The following ARHGAP5 variants were observed in gnomAD, a reference collection of about 807,000 sequenced individuals.
ARHGAP5 encodes Rho GTPase activating protein 5, also known as rho GTPase-activating protein 5.
Under a neutral mutation model 116.6 loss-of-function variants are expected in ARHGAP5, and 23 were observed. That is an observed-to-expected ratio of 0.20 (90% CI 0.14 to 0.28). The LOEUF is 0.28. Among genes scored for constraint, ARHGAP5 ranks in the 10% least tolerant of loss-of-function variants. The pLI is 1.00. For synonymous variants in ARHGAP5, 574 were observed against 602.0 expected (o/e 0.95, Z 0.68); for missense variants, 1,405 against 1,774.8 (o/e 0.79, Z 3.74).
intron 2 of ARHGAP5, among the ~76,000 whole-genome samples, chr14:32,112,879 A>G (rs1879381747): frequency 2.0e-5 from 3 of 152,182 alleles, no homozygotes; most frequent in African/African-American, 4.8e-5. Context: ...TCAAAAAAAA[A>G]AAAATTGGAT....
At position 32,152,483 on chromosome 14, in the gene ARHGAP5, C is replaced by G. The variant is rs777773246; in HGVS notation, c.4136C>G (p.Pro1379Arg). The G allele has an allele frequency of 1.2e-6, 2 of 1,605,610 alleles. No individual in the cohort carries two copies. Among genetic ancestry groups the G allele is most frequent in the East Asian group, 4.5e-5 (2 of 44,612 alleles). Residue 1379 changes from proline (P) to arginine (R), a missense_variant, in exon 6 of 7, where the codon CCT becomes CGT. Coordinates refer to ENST00000345122, the MANE Select transcript of ARHGAP5 (RefSeq NM_001030055.2). ...ALKEIVKKFH[P>R]VNYDVFRYVI... is the part of the protein sequence containing the mutation. ...AAAGAAATTGTTAAGAAATTTCATC[C>G]TGTAAACTATGATGTATTCAGATAC... is the stretch of plus-strand genomic sequence containing the variant.
intron 3 of ARHGAP5, among the ~76,000 whole-genome samples, chr14:32,133,401 A>C (rs559027941): frequency 6.6e-6 from 1 of 152,292 alleles, no homozygotes; most frequent in African/African-American, 2.4e-5. Flanking sequence ...TTGGTGCATA[A>C]GAATGCTTTT....
At chr14:32,129,682 C>A (rs908831010) in intron 3 of ARHGAP5, among the ~76,000 whole-genome samples, 2 of 151,812 alleles carry the variant, frequency 1.3e-5, no homozygotes, top group African/African-American at 2.4e-5. Flanking sequence ...CACTACAACA[C>A]TTTTTCACTA....
In ARHGAP5 at chr14:32,156,203, A is replaced by C. The variant is rs1881887353; in HGVS notation, c.*1255A>C. 6.6e-6 allele frequency: 1 copy of C among 152,468 alleles called. No individual in the cohort carries two copies. Among genetic ancestry groups the C allele is most frequent in the South Asian group, 2.1e-4 (1 of 4,832 alleles). The allele number at this position is 152,468 out of a possible 1,614,324, so 9.4% of individuals were successfully genotyped here. ...ATTTTGTTAGTGAAGATAAAACCAG[A>C]ACACTAAATTATGGATAAAATTTTC... On this transcript the variant is annotated 3_prime_UTR_variant, in exon 7 of 7. Coordinates refer to ENST00000345122, the MANE Select transcript of ARHGAP5 (RefSeq NM_001030055.2).
At chr14:32,101,958 G>T (rs918945014) in intron 2 of ARHGAP5, among the ~76,000 whole-genome samples, 1 of 152,112 alleles carries the variant, frequency 6.6e-6, no homozygotes, top group Non-Finnish European at 1.5e-5. Flanking sequence ...ACTCCAGCCT[G>T]GGCGACAGAG....
chr14:32,148,200 A>G (rs1881479425), intron 4 of ARHGAP5, among the ~76,000 whole-genome samples: 1 of 151,192 alleles, frequency 6.6e-6, no homozygotes, highest in African/African-American at 2.5e-5. Context: ...CTATCTATCT[A>G]TCTATCTATC....
intron 1 of ARHGAP5, among the ~76,000 whole-genome samples, chr14:32,079,143 T>A (rs1223799436): frequency 6.6e-6 from 1 of 152,246 alleles, no homozygotes; most frequent in Admixed American, 6.5e-5. Flanking sequence ...CTTGTAACTT[T>A]CAAGAAATAG....
intron 3 of ARHGAP5, among the ~76,000 whole-genome samples, chr14:32,128,400 C>G (rs1203829144): frequency 1.3e-5 from 2 of 152,266 alleles, no homozygotes; most frequent in East Asian, 3.9e-4. Flanking sequence ...GGCTCCCAAA[C>G]AGGTTCATCC....
At chr14:32,147,799 G>T (rs1229617317) in intron 4 of ARHGAP5, among the ~76,000 whole-genome samples, 1 of 152,180 alleles carries the variant, frequency 6.6e-6, no homozygotes, top group African/African-American at 2.4e-5. Flanking sequence ...GTGTGTGACT[G>T]TGTGTATACA....
At chr14:32,148,214 G>C (rs111637345) in intron 4 of ARHGAP5, among the ~76,000 whole-genome samples, 7,578 of 110,476 alleles carry the variant, frequency 0.069, 221 homozygotes, top group African/African-American at 0.1. Context: ...ATCTATCTAT[G>C]TATATCTATC....
rs202149589 is a variant in ARHGAP5 at position 32,094,018 on chromosome 14, A to G, written c.3349A>G (p.Asn1117Asp). The G allele has an allele frequency of 1.7e-5, 27 of 1,613,218 alleles. No individual in the cohort carries two copies. Among genetic ancestry groups the G allele is most frequent in the Non-Finnish European group, 2.2e-5 (26 of 1,179,808 alleles). The stretch of plus-strand genomic sequence containing the variant: ...TTATGTTGTCCCAGATGATAGTCAA[A>G]ATCGTATTAAAATTCGAAACTCATT... ...EIYVVPDDSQ[N>D]RIKIRNSFVN... is the part of the protein sequence containing the mutation. The change falls in exon 2 of 7, where the codon AAT becomes GAT. Residue 1117 changes from asparagine (N) to aspartate (D), a missense_variant. This residue lies in a region of ARHGAP5 where 944 missense variants were observed against 1,095.3 expected (regional missense o/e 0.86). Coordinates refer to ENST00000345122, the MANE Select transcript of ARHGAP5 (RefSeq NM_001030055.2).
chr14:32,158,420 G>A lies in ARHGAP5; in HGVS notation c.*3472G>A, dbSNP rs1881990060. The A allele has an allele frequency of 6.6e-6, 1 of 151,894 alleles. No homozygotes were observed. Among genetic ancestry groups the A allele is most frequent in the Admixed American group, 6.6e-5 (1 of 15,248 alleles). The allele number at this position is 151,894 out of a possible 1,614,324, so 9.4% of individuals were successfully genotyped here. A position where few individuals can be genotyped will look rare whatever the true frequency, so the allele number is the denominator to read the frequency against. ...GGATGTGATTTTTGAGCTGTGGCTA[G>A]ACATTCTTTAGAGCCACTGGAAATA... On this transcript the variant is annotated 3_prime_UTR_variant, in exon 7 of 7. Coordinates refer to ENST00000345122, the MANE Select transcript of ARHGAP5 (RefSeq NM_001030055.2).
chr14:32,107,599 G>A (rs766222903), intron 2 of ARHGAP5, among the ~76,000 whole-genome samples: 3 of 152,164 alleles, frequency 2.0e-5, no homozygotes, highest in Non-Finnish European at 4.4e-5. Context: ...AATAGGGCTT[G>A]TGATATATTT....
chr14:32,093,870 T>A lies in ARHGAP5; in HGVS notation c.3201T>A (p.Gly1067=), dbSNP rs772507797. The A allele has an allele frequency of 2.5e-6, 4 of 1,613,852 alleles. No homozygotes were observed. In the South Asian group the frequency reaches 4.4e-5, roughly 18 times the overall value. Residue 1067 remains glycine, a synonymous_variant, in exon 2 of 7, where the codon GGT becomes GGA. Coordinates refer to ENST00000345122, the MANE Select transcript of ARHGAP5 (RefSeq NM_001030055.2). ...NLLKTIEAGI[G]KNPRKQTSRV... is the part of the protein sequence containing the mutation. ...TAAAAACAATTGAAGCTGGTATTGG[T>A]AAAAATCCAAGAAAGCAGACTTCCC... is the stretch of plus-strand genomic sequence containing the variant.
chr14:32,104,057 T>C (rs1288320238), intron 2 of ARHGAP5, among the ~76,000 whole-genome samples: 1 of 152,156 alleles, frequency 6.6e-6, no homozygotes, highest in African/African-American at 2.4e-5. Context: ...AAAATGCACA[T>C]GCACAAAATT....
At chr14:32,084,323 A>G (rs992955079) in intron 1 of ARHGAP5, among the ~76,000 whole-genome samples, 4 of 152,156 alleles carry the variant, frequency 2.6e-5, no homozygotes, top group Admixed American at 2.0e-4. Flanking sequence ...ACACCTTTAG[A>G]CTTACTGTTT....
chr14:32,148,653 A>G (rs1881502032), intron 4 of ARHGAP5, among the ~76,000 whole-genome samples: 1 of 152,190 alleles, frequency 6.6e-6, no homozygotes, highest in South Asian at 2.1e-4. Flanking sequence ...AAATTGTATA[A>G]TCTAAGGAAA....
At chr14:32,125,993 A>AT (rs1880134667) in intron 3 of ARHGAP5, among the ~76,000 whole-genome samples, 1 of 151,932 alleles carries the variant, frequency 6.6e-6, no homozygotes, top group Non-Finnish European at 1.5e-5. Context: ...TATTAGCTCT[A>AT]TTTTTTGTGT....
At position 32,092,537 on chromosome 14, in the gene ARHGAP5, A is replaced by G; in HGVS notation, c.1868A>G (p.Tyr623Cys). Reference sequence around the variant, plus strand: ...AGGACACAATCCACTGATGATGAGTATGCCTTAGATGGAAAAATTTATGAA... The same window carrying G: ...AGGACACAATCCACTGATGATGAGTGTGCCTTAGATGGAAAAATTTATGAA... The part of the protein sequence containing the change: ...EIRTQSTDDE[Y>C]ALDGKIYELD... The change falls in exon 2 of 7, where the codon TAT becomes TGT. Residue 623 changes from tyrosine to cysteine, a missense_variant. Tyr to Cys is a radical substitution (Grantham distance 194). Transcript: ENST00000345122. This position sits in a 1 kb window ranked among gnomAD's most constrained non-coding sequence, Gnocchi z 4.1. The G allele has an allele frequency of 6.2e-7, 1 of 1,613,588 alleles. No homozygotes were observed. The highest frequency in any genetic ancestry group is 8.5e-7 in the Non-Finnish European group (1 of 1,179,818).
Sources: allele counts gnomAD v4.1 joint callset (sites outside exome capture counted in the v4.1 genomes callset), GRCh38; gene constraint gnomAD v4.1.1; regional missense constraint gnomAD v4.1.1; non-coding constraint Gnocchi (gnomAD v3.1); transcripts MANE v1.5; gene names NCBI Gene and HGNC (gene_info 2026-07-23, HGNC 2026-07-21).